The following SDCCAG8 variants were observed in gnomAD, a reference collection of about 807,000 sequenced individuals.
SDCCAG8 encodes serologically defined colon cancer antigen 8.
In SDCCAG8, 74 loss-of-function variants were observed where a neutral mutation model predicts 101.8. That is an observed-to-expected ratio of 0.73 (90% CI 0.60 to 0.88). The LOEUF is 0.88. Ranked by LOEUF, SDCCAG8 falls within the 40% of genes least tolerant of loss-of-function variation. The pLI, the probability that SDCCAG8 is intolerant of heterozygous loss-of-function variation, is 0.00. For synonymous variants in SDCCAG8, 281 were observed against 292.9 expected, an observed-to-expected ratio of 0.96 and a Z score of 0.41; for missense variants, 787 against 822.6, an observed-to-expected ratio of 0.96 and a Z score of 0.53.
chr1:243,472,651 G>C (rs1227106335), intron 16 of SDCCAG8, among the ~76,000 whole-genome samples: 1 of 152,194 alleles, frequency 6.6e-6, no homozygotes, highest in Non-Finnish European at 1.5e-5. Flanking sequence ...TTCGAGCAAT[G>C]AAAATACATT....
chr1:243,277,326 T>A (rs1558222465), intron 4 of SDCCAG8, among the ~76,000 whole-genome samples: 1 of 152,218 alleles, frequency 6.6e-6, no homozygotes, highest in Non-Finnish European at 1.5e-5. Flanking sequence ...GTGTTTTAGA[T>A]TTTAGCTGTT....
intron 6 of SDCCAG8, among the ~76,000 whole-genome samples, chr1:243,303,327 T>C (rs2149312792): frequency 6.6e-6 from 1 of 152,250 alleles, no homozygotes; most frequent in South Asian, 2.1e-4. Context: ...CTAAAGCAAA[T>C]GGAAGAAGGA....
chr1:243,492,616 T>G (rs1180705295), intron 17 of SDCCAG8, among the ~76,000 whole-genome samples: 6 of 144,520 alleles, frequency 4.2e-5, no homozygotes, highest in African/African-American at 1.0e-4. Context: ...TTTTTTTTTT[T>G]TTTTTTTTTT....
chr1:243,320,452 T>G (rs12145833), intron 9 of SDCCAG8, among the ~76,000 whole-genome samples: 17,289 of 152,210 alleles, frequency 0.11, 1,233 homozygotes, highest in Non-Finnish European at 0.15. Flanking sequence ...TCTGTCCTAA[T>G]GTGGCTCCCT....
chr1:243,485,715 C>T (rs567712438), intron 16 of SDCCAG8, among the ~76,000 whole-genome samples: 1 of 150,620 alleles, frequency 6.6e-6, no homozygotes, highest in South Asian at 2.1e-4. Context: ...ACAAGCCTGG[C>T]CAAGATGGTG....
intron 17 of SDCCAG8, among the ~76,000 whole-genome samples, chr1:243,497,901 C>G (rs905828714): frequency 6.6e-6 from 1 of 152,130 alleles, no homozygotes; most frequent in Non-Finnish European, 1.5e-5. Context: ...AGGCTGGTCT[C>G]GAACTCCTGG....
chr1:243,341,728 A>G (rs894810445), intron 11 of SDCCAG8, among the ~76,000 whole-genome samples: 1 of 152,200 alleles, frequency 6.6e-6, no homozygotes, highest in African/African-American at 2.4e-5. Context: ...TGTCTGTGCT[A>G]TGGGCATCAC....
chr1:243,388,574 T>A (rs1006042220), intron 13 of SDCCAG8, among the ~76,000 whole-genome samples: 1 of 151,548 alleles, frequency 6.6e-6, no homozygotes, highest in African/African-American at 2.4e-5. Context: ...AAAAATATAA[T>A]CCCTGGTCAG....
chr1:243,257,646 G>A (rs534791540), intron 1 of SDCCAG8, among the ~76,000 whole-genome samples: 1 of 152,104 alleles, frequency 6.6e-6, no homozygotes, highest in African/African-American at 2.4e-5. Context: ...TTTTATAAGG[G>A]TTACTATGTA....
chr1:243,338,516 C>T (rs1343865949), intron 10 of SDCCAG8, among the ~76,000 whole-genome samples: 1 of 151,226 alleles, frequency 6.6e-6, no homozygotes, highest in Non-Finnish European at 1.5e-5. Context: ...ATCAACAGTT[C>T]TTGCTGTGAG....
At chr1:243,400,076 CT>C (rs1362201215) in intron 13 of SDCCAG8, among the ~76,000 whole-genome samples, 18 of 152,166 alleles carry the variant, frequency 1.2e-4, no homozygotes, top group Non-Finnish European at 2.9e-5. Context: ...ACTATATTGC[CT>C]CTGATGGTGG....
At chr1:243,356,674 A>ACC (rs978889485) in intron 12 of SDCCAG8, among the ~76,000 whole-genome samples, 10 of 152,184 alleles carry the variant, frequency 6.6e-5, no homozygotes, top group Admixed American at 2.0e-4. Context: ...TTCCCCTACA[A>ACC]CCACTGCTGA....
At chr1:243,259,676 A>T (rs899932019) in intron 1 of SDCCAG8, among the ~76,000 whole-genome samples, 1 of 147,842 alleles carries the variant, frequency 6.8e-6, no homozygotes. Context: ...AAAATGAGCC[A>T]GGCGTGGTGG....
chr1:243,274,519 T>G lies in SDCCAG8; in HGVS notation c.307-24T>G, dbSNP rs768097659. The stretch of plus-strand genomic sequence containing the variant: ...TTTTAAAATTTATGTATTTATGTAT[T>G]TATTTATTTATTTTTTGTCATAGAG... On this transcript the variant is annotated intron_variant, in intron 3 of 17. Coordinates refer to ENST00000366541, the MANE Select transcript of SDCCAG8 (RefSeq NM_006642.5). The G allele has an allele frequency of 1.1e-5, 14 of 1,250,890 alleles. No individual in the cohort carries two copies. In the South Asian group the frequency reaches 1.4e-4, roughly 12 times the overall value. 77.5% of individuals were successfully genotyped at this position (1,250,890 alleles called of 1,614,324 possible). A position where few individuals can be genotyped will look rare whatever the true frequency, so the allele number is the denominator to read the frequency against.
chr1:243,315,809 A>C (rs1447118059), intron 8 of SDCCAG8, among the ~76,000 whole-genome samples: 1 of 152,226 alleles, frequency 6.6e-6, no homozygotes, highest in African/African-American at 2.4e-5. Context: ...TTTATTTCAA[A>C]TGAATTTGAA....
intron 12 of SDCCAG8, among the ~76,000 whole-genome samples, chr1:243,373,800 G>C (rs892562146): frequency 6.6e-6 from 1 of 152,036 alleles, no homozygotes; most frequent in Non-Finnish European, 1.5e-5. Flanking sequence ...AATATTTGCT[G>C]AACAACAGTC....
intron 16 of SDCCAG8, among the ~76,000 whole-genome samples, chr1:243,454,259 C>T (rs1032162130): frequency 2.0e-5 from 3 of 151,938 alleles, no homozygotes; most frequent in Admixed American, 6.6e-5. Flanking sequence ...TCATATATAC[C>T]GTGCAAGATG....
intron 9 of SDCCAG8, 112 bp from the exon 10 acceptor site, chr1:243,330,428 G>C: frequency 9.8e-7 from 1 of 1,021,224 alleles, no homozygotes; most frequent in Non-Finnish European, 1.5e-6. Context: ...ATTCTAATGG[G>C]CTTTATAGTG....
intron 16 of SDCCAG8, among the ~76,000 whole-genome samples, chr1:243,428,441 C>T (rs901051438): frequency 1.3e-5 from 2 of 152,114 alleles, no homozygotes; most frequent in African/African-American, 2.4e-5. Context: ...TTATAGTTGA[C>T]CCTTAAACAA....
Sources: gnomAD v4.1 joint callset for allele counts (sites outside exome capture counted in the v4.1 genomes callset) on GRCh38, gnomAD v4.1.1 for gene constraint, MANE v1.5 for transcripts, NCBI Gene and HGNC (gene_info 2026-07-23, HGNC 2026-07-21) for gene names.